Variants in EPB41L5 observed in about 807,000 individuals in gnomAD.
EPB41L5 encodes the protein erythrocyte membrane protein band 4.1 like 5, also known as band 4.1-like protein 5.
In EPB41L5, 55 loss-of-function variants were observed where a neutral mutation model predicts 106.6. The observed-to-expected ratio is 0.52, with a 90% confidence interval of 0.42 to 0.65. The LOEUF is 0.65. Ranked by LOEUF, EPB41L5 falls within the 30% of genes least tolerant of loss-of-function variation. EPB41L5 has a pLI of 0.00. For synonymous variants in EPB41L5, 297 were observed against 306.7 expected (o/e 0.97, Z 0.33); for missense variants, 871 against 882.1 (o/e 0.99, Z 0.16).
chr2:120,094,136 G>T (rs545879473), intron 14 of EPB41L5, among the ~76,000 whole-genome samples: 2 of 152,108 alleles, frequency 1.3e-5, no homozygotes, highest in Admixed American at 1.3e-4. Flanking sequence ...ACAGGCACTT[G>T]CCATCATGCA....
chr2:120,146,146 A>C (rs1045941921), intron 19 of EPB41L5, 79 bp from the exon 20 acceptor site: 5 of 860,590 alleles, frequency 5.8e-6, no homozygotes, highest in African/African-American at 5.1e-5. Flanking sequence ...TTCTGTTGTT[A>C]CCAGAAAGAA....
At chr2:120,091,261 TGG>T (rs1282947588) in intron 12 of EPB41L5, among the ~76,000 whole-genome samples, 1 of 152,192 alleles carries the variant, frequency 6.6e-6, no homozygotes, top group Non-Finnish European at 1.5e-5. Flanking sequence ...GGAATGTAGA[TGG>T]GAAAGAGAGG....
chr2:120,060,584 A>C (rs926053527), intron 3 of EPB41L5, among the ~76,000 whole-genome samples: 2 of 152,212 alleles, frequency 1.3e-5, no homozygotes, highest in Non-Finnish European at 2.9e-5. Flanking sequence ...ATTGAGATCA[A>C]ATTAATGGTT....
In EPB41L5 at chr2:120,058,521, C is replaced by T. The variant is rs111724588; in HGVS notation, c.286-14657C>T. Among the ~76,000 whole-genome samples the T allele has an allele frequency of 6.4e-3, 976 of 152,148 alleles. 15 individuals carry two copies. The highest frequency in any genetic ancestry group is 0.021 in the African/African-American group (866 of 41,490). ...GATAGAGACAGAGAAATATAGATAG[C>T]GTGATGATAAATCATAGCTGATATC... is the stretch of plus-strand genomic sequence containing the variant. On this transcript the variant is annotated intron_variant, in intron 3 of 24. Coordinates refer to ENST00000263713, the MANE Select transcript of EPB41L5 (RefSeq NM_020909.4).
Position 120,093,232 on chromosome 2 carries a change from C to T in EPB41L5, c.1151-17C>T. 6.2e-7 allele frequency: 1 copy of T among 1,611,706 alleles called. No individual in the cohort carries two copies. Among genetic ancestry groups the T allele is most frequent in the Non-Finnish European group, 8.5e-7 (1 of 1,177,906 alleles). On this transcript the variant is annotated splice_polypyrimidine_tract_variant and intron_variant, in intron 13 of 24. Transcript: ENST00000263713. ...TAAGATGAAACTAATGAGGTGTTAT[C>T]TTTTTTCTTCTGTTAGCATGTGCTA...
Position 120,052,224 on chromosome 2 carries a change from G to A in EPB41L5, c.285+10114G>A, listed in dbSNP as rs561863360. On this transcript the variant is annotated intron_variant, in intron 3 of 24. Coordinates refer to ENST00000263713, the MANE Select transcript of EPB41L5 (RefSeq NM_020909.4). ...TGACTTTCATGACTTTGAAGCTTTT[G>A]AAGATACAGGACAGTTATTTTGTAT... Among the ~76,000 whole-genome samples, 9 of 152,266 alleles carry A rather than the reference G, an allele frequency of 5.9e-5. 1 individual carries two copies. Among genetic ancestry groups the A allele is most frequent in the Admixed American group, 5.2e-4 (8 of 15,294 alleles).
At chr2:120,075,581 G>C (rs1416998343) in intron 6 of EPB41L5, 61 bp downstream of exon 6, 1 of 1,430,570 alleles carries the variant, frequency 7.0e-7, no homozygotes, top group East Asian at 2.3e-5. Flanking sequence ...AAATTATTTT[G>C]AAAATAAGTT....
intron 16 of EPB41L5, among the ~76,000 whole-genome samples, chr2:120,127,436 A>G (rs900715279): frequency 2.6e-5 from 4 of 152,212 alleles, no homozygotes; most frequent in Non-Finnish European, 4.4e-5. Context: ...CATGTAACCT[A>G]CATGCATCTT....
chr2:120,158,186 C>T (rs1265708798), intron 20 of EPB41L5, among the ~76,000 whole-genome samples: 1 of 152,122 alleles, frequency 6.6e-6, no homozygotes, highest in East Asian at 1.9e-4. Flanking sequence ...GTGCTGGTAC[C>T]ATTACTGCTG....
intron 3 of EPB41L5, among the ~76,000 whole-genome samples, chr2:120,064,801 C>G (rs1309395208): frequency 2.6e-5 from 4 of 152,154 alleles, no homozygotes; most frequent in Non-Finnish European, 5.9e-5. Context: ...GACCCTGATT[C>G]AAGGAAAACA....
chr2:120,153,704 A>C (rs1339703684), intron 20 of EPB41L5, among the ~76,000 whole-genome samples: 2 of 152,076 alleles, frequency 1.3e-5, no homozygotes, highest in Admixed American at 6.5e-5. Flanking sequence ...TGTAATTGTT[A>C]TATCTTCTTG....
intron 16 of EPB41L5, among the ~76,000 whole-genome samples, chr2:120,107,781 G>A (rs1012315960): frequency 6.6e-6 from 1 of 152,146 alleles, no homozygotes; most frequent in African/African-American, 2.4e-5. Context: ...ATGGAATCTT[G>A]TTCCATTAAC....
chr2:120,025,913 C>T (rs766687822), intron 2 of EPB41L5, among the ~76,000 whole-genome samples: 8 of 152,108 alleles, frequency 5.3e-5, no homozygotes, highest in East Asian at 1.9e-4. Context: ...AGTTGGTGTG[C>T]GACTGGCACA....
rs1334380073 is a variant in EPB41L5, at chr2:120,112,414, C to G, written c.1337+11600C>G. Among the ~76,000 whole-genome samples the G allele has an allele frequency of 3.9e-5, 6 of 152,328 alleles. No homozygotes were observed. In the South Asian group the frequency reaches 6.2e-4, roughly 16 times the overall value. The stretch of plus-strand genomic sequence containing the variant: ...TTGAATCAATGAATACCAAGCATGT[C>G]TTGGCACATCTGGTGATGCAGAAAT... On this transcript the variant is annotated intron_variant, in intron 16 of 24. Transcript: ENST00000263713.
chr2:120,081,849 GTATTT>G (rs1328768708), intron 10 of EPB41L5, among the ~76,000 whole-genome samples: 1 of 152,066 alleles, frequency 6.6e-6, no homozygotes, highest in Non-Finnish European at 1.5e-5. Flanking sequence ...GGATTCCTAG[GTATTT>G]TATTCTCTTT....
chr2:120,077,285 A>T lies in EPB41L5; in HGVS notation c.683A>T (p.Glu228Val). The T allele has an allele frequency of 1.2e-6, 2 of 1,612,308 alleles. No homozygotes were observed. The highest frequency in any genetic ancestry group is 1.7e-6 in the Non-Finnish European group (2 of 1,178,858). Residue 228 changes from glutamate to valine, a missense_variant, in exon 9 of 25, where the codon GAA becomes GTA. Glu to Val is a moderately radical substitution (Grantham distance 121). Coordinates refer to ENST00000263713, the MANE Select transcript of EPB41L5 (RefSeq NM_020909.4). ...TNYLNKAKWL[E>V]MYGVDMHVVK... ...TATCTGAATAAAGCCAAATGGCTAG[A>T]AATGTATGGGGTTGATATGCATGTG...
chr2:120,032,273 G>T (rs557556599), intron 2 of EPB41L5, among the ~76,000 whole-genome samples: 1 of 152,224 alleles, frequency 6.6e-6, no homozygotes, highest in African/African-American at 2.4e-5. Flanking sequence ...AGCTACTCAG[G>T]AGGCTGAGGC....
chr2:120,079,175 T>TG (rs1682460887), intron 10 of EPB41L5, among the ~76,000 whole-genome samples: 1 of 152,174 alleles, frequency 6.6e-6, no homozygotes. Flanking sequence ...AGAGCCTAGG[T>TG]GTTTACTTTT....
rs1320644559 is a variant in EPB41L5 at position 120,104,772 on chromosome 2, T to A, written c.1337+3958T>A. 6.7e-6 allele frequency: 6 copies of A among 898,524 alleles called. No individual in the cohort carries two copies. The East Asian group carries it at 7.1e-4, about 106-fold the overall frequency. The allele number at this position is 898,524 out of a possible 1,614,324, so 55.7% of individuals were successfully genotyped here. On this transcript the variant is annotated intron_variant, in intron 16 of 24. Coordinates refer to ENST00000263713, the MANE Select transcript of EPB41L5 (RefSeq NM_020909.4). ...CTAAGATTTTAATTAATATAATTTT[T>A]AATTACAAACACTTTTACTTTTTAA... is the stretch of plus-strand genomic sequence containing the variant.
Sources: gnomAD v4.1 joint callset for allele counts (sites outside exome capture counted in the v4.1 genomes callset) on GRCh38, gnomAD v4.1.1 for gene constraint, MANE v1.5 for transcripts, NCBI Gene and HGNC (gene_info 2026-07-23, HGNC 2026-07-21) for gene names.